The following UNC5D variants were observed in gnomAD, a reference collection of about 807,000 sequenced individuals.
The protein encoded by UNC5D is netrin receptor UNC5D.
UNC5D carries 39 observed loss-of-function variants against 105.4 expected under a neutral mutation model. The ratio of observed to expected loss-of-function variants is 0.37; its 90% CI spans 0.29 to 0.48. UNC5D has a LOEUF of 0.48. UNC5D is among the 20% of genes least tolerant of loss of function. The pLI, the probability that UNC5D is intolerant of heterozygous loss-of-function variation, is 0.98. For missense variants in UNC5D, 991 were observed against 1,202.4 expected (o/e 0.82, Z 2.60); for synonymous variants, 452 against 450.4 (o/e 1.00, Z -0.04).
intron 4 of UNC5D, among the ~76,000 whole-genome samples, chr8:35,650,403 C>T (rs1042401945): frequency 5.3e-5 from 8 of 152,160 alleles, no homozygotes; most frequent in Non-Finnish European, 1.0e-4. Flanking sequence ...TATTTTACTC[C>T]TCCTTAATGA....
At chr8:35,612,341 G>C (rs548831600) in intron 4 of UNC5D, among the ~76,000 whole-genome samples, 1 of 152,116 alleles carries the variant, frequency 6.6e-6, no homozygotes, top group South Asian at 2.1e-4. Flanking sequence ...CAGAATGAAA[G>C]AATGTATTTT....
intron 1 of UNC5D, among the ~76,000 whole-genome samples, chr8:35,345,406 C>T (rs1419633415): frequency 7.9e-5 from 12 of 151,974 alleles, no homozygotes. Context: ...AAGTATCCTA[C>T]TGTGTGGTTT....
chr8:35,760,394 A>T (rs1801474338), intron 14 of UNC5D, among the ~76,000 whole-genome samples: 1 of 151,798 alleles, frequency 6.6e-6, no homozygotes, highest in African/African-American at 2.4e-5. Flanking sequence ...GATACTTATT[A>T]TTGTCCACAT....
chr8:35,758,566 T>A (rs192915707), intron 13 of UNC5D, among the ~76,000 whole-genome samples: 1 of 152,236 alleles, frequency 6.6e-6, no homozygotes, highest in East Asian at 1.9e-4. Flanking sequence ...CCATTTCTTA[T>A]ATCGTCTCTC....
Position 35,525,571 on chromosome 8 carries a change from C to T in UNC5D, c.104-23721C>T, listed in dbSNP as rs1813809458. 3.7e-6 allele frequency: 6 copies of T among 1,612,930 alleles called. No individual in the cohort carries two copies. The Admixed American group carries it at 1.0e-4, about 27-fold the overall frequency. ...GTTCGGTCATTAATTATTTCCACTT[C>T]TGAAACATACTGTAAGTTTATGAGC... On this transcript the variant is annotated intron_variant, in intron 1 of 16. Transcript: ENST00000404895.
At chr8:35,328,585 T>G (rs917182166) in intron 1 of UNC5D, among the ~76,000 whole-genome samples, 1 of 152,210 alleles carries the variant, frequency 6.6e-6, no homozygotes, top group Admixed American at 6.5e-5. Context: ...TCTGTGGATC[T>G]CCTTTCTTAT....
In UNC5D at chr8:35,722,307, G is replaced by T; in HGVS notation, c.1215G>T (p.Arg405=). 1.2e-6 allele frequency: 2 copies of T among 1,614,158 alleles called. No homozygotes were observed. The highest frequency in any genetic ancestry group is 1.7e-6 in the Non-Finnish European group (2 of 1,180,030). ...VLVIGVTLYR[R]SQSDYGVDVI... is the part of the protein sequence containing the mutation. ...TCATTGGTGTCACCCTTTACAGACG[G>T]AGCCAGAGTGACTATGGCGTGGACG... is the stretch of plus-strand genomic sequence containing the variant. Residue 405 remains arginine (R), a synonymous_variant, in exon 9 of 17, where the codon CGG becomes CGT. Transcript: ENST00000404895.
chr8:35,270,470 T>C (rs894294033), intron 1 of UNC5D, among the ~76,000 whole-genome samples: 2 of 152,210 alleles, frequency 1.3e-5, no homozygotes, highest in Non-Finnish European at 2.9e-5. Context: ...ACTCTGATTA[T>C]ATTGAGTTAA....
Position 35,656,336 on chromosome 8 carries a change from C to G in UNC5D, c.571-27211C>G, listed in dbSNP as rs186379343. On this transcript the variant is annotated intron_variant, in intron 4 of 16. Coordinates refer to ENST00000404895, the MANE Select transcript of UNC5D (RefSeq NM_080872.4). ...ACACACTGTATTTATTGCCTCCAACCTTTTTCCATCCCAGTATAACCAGAC... is the reference window on the plus strand; with the variant it reads ...ACACACTGTATTTATTGCCTCCAACGTTTTTCCATCCCAGTATAACCAGAC... Among the ~76,000 whole-genome samples, 155 of 152,300 alleles carry G rather than the reference C, an allele frequency of 1.0e-3. 1 individual carries two copies. The highest frequency in any genetic ancestry group is 2.0e-3 in the Admixed American group (31 of 15,308).
intron 15 of UNC5D, among the ~76,000 whole-genome samples, chr8:35,769,729 G>C (rs1022321725): frequency 2.0e-5 from 3 of 152,092 alleles, no homozygotes; most frequent in Non-Finnish European, 2.9e-5. Flanking sequence ...CTTTGGGAGG[G>C]CGAGGTAGGC....
At chr8:35,535,847 A>G (rs1042771693) in intron 1 of UNC5D, among the ~76,000 whole-genome samples, 1 of 152,210 alleles carries the variant, frequency 6.6e-6, no homozygotes, top group Non-Finnish European at 1.5e-5. Flanking sequence ...CTGACTGCCT[A>G]TTATATGCCT....
intron 4 of UNC5D, among the ~76,000 whole-genome samples, chr8:35,674,916 A>G (rs1223256258): frequency 1.3e-5 from 2 of 152,172 alleles, no homozygotes; most frequent in African/African-American, 4.8e-5. Context: ...GCAGGGAGTG[A>G]TCATGTTGTG....
rs1563267103 is a variant in UNC5D, at chr8:35,271,326, TACACACGTGCATGTGTGTATGTATATGC to T, written c.103+35441_103+35468del. 8.0e-3 allele frequency among the ~76,000 whole-genome samples: 890 copies of T among 111,734 alleles called. 18 individuals are homozygous for T. Among genetic ancestry groups the T allele is most frequent in the Non-Finnish European group, 9.5e-3 (516 of 54,172 alleles). The allele number at this position is 111,734 out of a possible 152,430, so 73.3% of individuals were successfully genotyped here. The stretch of plus-strand genomic sequence containing the variant: ...ACATGCACGTGTGTATGTATATGCA[TACACACGTGCATGTGTGTATGTATATGC>T]ATACACACGTGCACGTGTGTATGTA... On this transcript the variant is annotated intron_variant, in intron 1 of 16. Transcript: ENST00000404895.
At chr8:35,262,002 A>C (rs1376432638) in intron 1 of UNC5D, among the ~76,000 whole-genome samples, 1 of 152,072 alleles carries the variant, frequency 6.6e-6, no homozygotes, top group Non-Finnish European at 1.5e-5. Flanking sequence ...CTTTTTATTG[A>C]CCTGTGCAAA....
chr8:35,272,407 G>A (rs1349680343), intron 1 of UNC5D, among the ~76,000 whole-genome samples: 1 of 152,118 alleles, frequency 6.6e-6, no homozygotes, highest in Non-Finnish European at 1.5e-5. Context: ...GAAGACTCAG[G>A]GCTAGTAGAG....
At chr8:35,295,042 T>C (rs1389572406) in intron 1 of UNC5D, among the ~76,000 whole-genome samples, 2 of 152,322 alleles carry the variant, frequency 1.3e-5, no homozygotes, top group East Asian at 1.9e-4. Context: ...TTTAAGTGTA[T>C]GCTTGCAACA....
At chr8:35,317,890 T>TGCCTTCTACTTAGACAAGACAA (rs6150550) in intron 1 of UNC5D, among the ~76,000 whole-genome samples, 2 of 152,060 alleles carry the variant, frequency 1.3e-5, no homozygotes, top group African/African-American at 2.4e-5. Flanking sequence ...ACAACTTAGT[T>TGCCTTCTACTTAGACAAGACAA]CTTGGTTGTG....
chr8:35,503,064 G>A (rs765780445), intron 1 of UNC5D, among the ~76,000 whole-genome samples: 27 of 152,074 alleles, frequency 1.8e-4, no homozygotes, highest in Non-Finnish European at 2.5e-4. Flanking sequence ...CCAGAACAAC[G>A]GATTCAAAAC....
At chr8:35,345,170 C>G (rs994315978) in intron 1 of UNC5D, among the ~76,000 whole-genome samples, 1 of 152,002 alleles carries the variant, frequency 6.6e-6, no homozygotes, top group Non-Finnish European at 1.5e-5. Flanking sequence ...GAAAAGAACG[C>G]TTGTAATCTA....
Sources: allele counts gnomAD v4.1 joint callset (sites outside exome capture counted in the v4.1 genomes callset), GRCh38; gene constraint gnomAD v4.1.1; transcripts MANE v1.5; gene names NCBI Gene and HGNC (gene_info 2026-07-23, HGNC 2026-07-21).